Variants in EHF observed in about 807,000 individuals in gnomAD.
EHF encodes the protein ESE3 transcription factor.
Under a neutral mutation model 45.1 loss-of-function variants are expected in EHF, and 14 were observed. The ratio of observed to expected loss-of-function variants is 0.31; its 90% CI spans 0.21 to 0.49. The LOEUF (loss-of-function observed/expected upper bound fraction) is 0.49. Among genes scored for constraint, EHF ranks in the 20% least tolerant of loss-of-function variants. The probability of loss-of-function intolerance (pLI) is 0.99; values close to 1 mark genes in which losing one functional copy is unlikely to be tolerated. For synonymous variants in EHF, 136 were observed against 131.8 expected (o/e 1.03, Z -0.22); for missense variants, 282 against 371.4 (o/e 0.76, Z 1.98).
chr11:34,653,753 C>A (rs965676660), intron 6 of EHF, among the ~76,000 whole-genome samples: 4 of 152,176 alleles, frequency 2.6e-5, no homozygotes, highest in Non-Finnish European at 4.4e-5. Context: ...CCCGGAAAAA[C>A]CTTGGTCATT....
At position 34,662,822 on chromosome 11, in the gene EHF, AG is replaced by A. The variant is rs1369456797; in HGVS notation, c.*3892del. Among the ~76,000 whole-genome samples the A allele has an allele frequency of 2.6e-5, 4 of 152,184 alleles. No individual in the cohort carries two copies. The highest frequency in any genetic ancestry group is 5.9e-5 in the Non-Finnish European group (4 of 68,006). ...CTTGTCTAATTATGTAGGAAGCAATAGATCTCGGTAGTTACGTATTGGGCAG... is the reference window on the plus strand; with the variant it reads ...CTTGTCTAATTATGTAGGAAGCAATAATCTCGGTAGTTACGTATTGGGCAG... On this transcript the variant is annotated 3_prime_UTR_variant, in exon 9 of 9. Transcript: ENST00000257831.
chr11:34,646,357 C>T (rs1854533666), intron 2 of EHF, 82 bp from the exon 3 acceptor site: 3 of 1,581,276 alleles, frequency 1.9e-6, no homozygotes, highest in South Asian at 2.4e-5. Flanking sequence ...AGATATCTGG[C>T]AGCCAACAGT....
intron 1 of EHF, among the ~76,000 whole-genome samples, chr11:34,635,127 T>C (rs986480445): frequency 2.0e-5 from 3 of 152,202 alleles, no homozygotes; most frequent in Non-Finnish European, 4.4e-5. Context: ...GTTCAGTAAG[T>C]CCTAATTACT....
chr11:34,627,770 A>G (rs1852503737), intron 1 of EHF, among the ~76,000 whole-genome samples: 1 of 152,212 alleles, frequency 6.6e-6, no homozygotes, highest in African/African-American at 2.4e-5. Context: ...TTTATTTTCA[A>G]TAATCTCTAA....
intron 2 of EHF, 69 bp downstream of exon 2, chr11:34,642,796 A>G (rs1393055612): frequency 6.9e-6 from 8 of 1,152,848 alleles, no homozygotes. Flanking sequence ...TTCCTCTCAC[A>G]ACCTAATGTT....
At chr11:34,632,763 C>G in intron 1 of EHF, 1 of 1,318,496 alleles carries the variant, frequency 7.6e-7, no homozygotes, top group Non-Finnish European at 1.0e-6. Context: ...GAAGGAGCCA[C>G]TATTATTTTG....
At position 34,631,625 on chromosome 11, in the gene EHF, T is replaced by G. The variant is rs1399221502; in HGVS notation, c.-4+10397T>G. On this transcript the variant is annotated intron_variant, in intron 1 of 8. Coordinates refer to ENST00000257831, the MANE Select transcript of EHF (RefSeq NM_012153.6). The stretch of plus-strand genomic sequence containing the variant: ...TGAGTGGGTCTACACAGCCCGATTT[T>G]GAGGTAGGTGTGGCTAGCCTCATTT... 8 of 962,628 alleles carry G rather than the reference T, an allele frequency of 8.3e-6. No individual in the cohort carries two copies. The South Asian group carries it at 3.8e-4, about 46-fold the overall frequency. 59.6% of individuals were successfully genotyped at this position (962,628 alleles called of 1,614,324 possible).
In EHF at chr11:34,626,219, G is replaced by T. The variant is rs76238482; in HGVS notation, c.-4+4991G>T. Among the ~76,000 whole-genome samples the T allele has an allele frequency of 5.7e-4, 87 of 152,242 alleles. No individual in the cohort carries two copies. The East Asian group carries it at 0.014, about 25-fold the overall frequency. On this transcript the variant is annotated intron_variant, in intron 1 of 8. Coordinates refer to ENST00000257831, the MANE Select transcript of EHF (RefSeq NM_012153.6). ...AAATAATCTTGGGGGCTGGGCTCTTGTTGGCCCAACTGTGGCTTCAAAACA... is the reference window on the plus strand; with the variant it reads ...AAATAATCTTGGGGGCTGGGCTCTTTTTGGCCCAACTGTGGCTTCAAAACA...
rs1855900238 is a variant in EHF, at chr11:34,658,822, T to G, written c.804-10T>G. On this transcript the variant is annotated splice_polypyrimidine_tract_variant and intron_variant, in intron 8 of 8. Coordinates refer to ENST00000257831, the MANE Select transcript of EHF (RefSeq NM_012153.6). ...GGATCAGTCACCTTATGCAATCTCC[T>G]TTGTTACAGATATTACTACAAAAGA... 10 of 1,610,610 alleles carry G rather than the reference T, an allele frequency of 6.2e-6. No homozygotes were observed. The highest frequency in any genetic ancestry group is 8.5e-6 in the Non-Finnish European group (10 of 1,178,750).
chr11:34,656,787 C>T, intron 6 of EHF, 121 bp from the exon 7 acceptor site: 4 of 1,115,498 alleles, frequency 3.6e-6, no homozygotes, highest in South Asian at 1.5e-5. Context: ...CTAGCACATA[C>T]TCAAAGGTGC....
intron 3 of EHF, among the ~76,000 whole-genome samples, chr11:34,648,054 T>C (rs1015252565): frequency 6.6e-6 from 1 of 152,220 alleles, no homozygotes; most frequent in Non-Finnish European, 1.5e-5. Flanking sequence ...TTGTTTGGTC[T>C]CATCGCATGC....
intron 4 of EHF, among the ~76,000 whole-genome samples, chr11:34,651,326 G>A (rs1590525984): frequency 6.6e-6 from 1 of 152,092 alleles, no homozygotes; most frequent in South Asian, 2.1e-4. Context: ...AATAGGTACA[G>A]AACACATGGA....
chr11:34,629,619 T>C (rs2133997211), intron 1 of EHF, among the ~76,000 whole-genome samples: 1 of 152,354 alleles, frequency 6.6e-6, no homozygotes, highest in South Asian at 2.1e-4. Context: ...TTTTATAGAC[T>C]GTTCCAAAAT....
Position 34,659,221 on chromosome 11 carries a change from T to C in EHF, c.*290T>C, listed in dbSNP as rs967567012. On this transcript the variant is annotated 3_prime_UTR_variant, in exon 9 of 9. Transcript: ENST00000257831. ...ACCTCTATTGTGAATTCTTTTTCAC[T>C]GCAAGAGTAACAGGATTTGTAGCCT... The C allele has an allele frequency of 3.9e-6, 1 of 256,994 alleles. No individual in the cohort carries two copies. The highest frequency in any genetic ancestry group is 7.3e-6 in the Non-Finnish European group (1 of 136,252). The allele number at this position is 256,994 out of a possible 1,614,324, so 15.9% of individuals were successfully genotyped here.
chr11:34,623,288 G>A (rs1852109465), intron 1 of EHF, among the ~76,000 whole-genome samples: 1 of 152,092 alleles, frequency 6.6e-6, no homozygotes, highest in South Asian at 2.1e-4. Flanking sequence ...GTTTTACCAT[G>A]TCAGCCAGGC....
At chr11:34,646,309 C>G in intron 2 of EHF, 130 bp from the exon 3 acceptor site, 2 of 1,421,172 alleles carry the variant, frequency 1.4e-6, no homozygotes, top group South Asian at 1.3e-5. Flanking sequence ...GCTCCATCAC[C>G]CATGCTGGCA....
At chr11:34,624,746 T>C (rs960843555) in intron 1 of EHF, among the ~76,000 whole-genome samples, 2 of 152,196 alleles carry the variant, frequency 1.3e-5, no homozygotes, top group Admixed American at 1.3e-4. Flanking sequence ...ATGTTTATTA[T>C]TCTTCAGAGG....
At chr11:34,633,108 G>C (rs1250784249) in intron 1 of EHF, among the ~76,000 whole-genome samples, 1 of 152,190 alleles carries the variant, frequency 6.6e-6, no homozygotes, top group Non-Finnish European at 1.5e-5. Context: ...GTAACCATCA[G>C]AGAGATCCTC....
At chr11:34,644,126 C>G (rs1041534592) in intron 2 of EHF, among the ~76,000 whole-genome samples, 1 of 152,190 alleles carries the variant, frequency 6.6e-6, no homozygotes, top group African/African-American at 2.4e-5. Flanking sequence ...CAAGTTTGAA[C>G]AAGATACACT....
Sources: gnomAD v4.1 joint callset for allele counts (sites outside exome capture counted in the v4.1 genomes callset) on GRCh38, gnomAD v4.1.1 for gene constraint, MANE v1.5 for transcripts, NCBI Gene and HGNC (gene_info 2026-07-23, HGNC 2026-07-21) for gene names.